The following STK32A variants were observed in gnomAD, a reference collection of about 807,000 sequenced individuals.
The protein encoded by STK32A is serine/threonine-protein kinase 32A.
Under a neutral mutation model 53.2 loss-of-function variants are expected in STK32A, and 41 were observed. That is an observed-to-expected ratio of 0.77 (90% CI 0.60 to 1.00). The LOEUF (loss-of-function observed/expected upper bound fraction) is 1.00, where lower values mean the gene tolerates loss of function less well. Ranked by LOEUF, STK32A falls within the 50% of genes least tolerant of loss-of-function variation. The pLI is 0.00. For missense variants in STK32A, 458 were observed against 485.8 expected, an observed-to-expected ratio of 0.94 and a Z score of 0.54; for synonymous variants, 166 against 162.8, an observed-to-expected ratio of 1.02 and a Z score of -0.15.
intron 8 of STK32A, among the ~76,000 whole-genome samples, chr5:147,365,828 T>C (rs1326370791): frequency 6.6e-6 from 1 of 152,184 alleles, no homozygotes; most frequent in Non-Finnish European, 1.5e-5. Context: ...AGGATTGTAT[T>C]TAACTATCAC....
At chr5:147,307,830 T>C (rs6880199) in intron 4 of STK32A, among the ~76,000 whole-genome samples, 122,927 of 151,914 alleles carry the variant, frequency 0.81, 50,277 homozygotes, top group African/African-American at 0.92. Flanking sequence ...CACAGAACCA[T>C]ATTTGTTATT....
chr5:147,354,043 A>G (rs1281136524), intron 7 of STK32A, among the ~76,000 whole-genome samples: 1 of 151,866 alleles, frequency 6.6e-6, no homozygotes, highest in African/African-American at 2.4e-5. Context: ...AACCCCCTAC[A>G]TGCAGAGCCA....
At chr5:147,242,694 C>T (rs935091894) in intron 2 of STK32A, among the ~76,000 whole-genome samples, 4 of 152,318 alleles carry the variant, frequency 2.6e-5, no homozygotes, top group East Asian at 1.9e-4. Context: ...TATATCTTAA[C>T]GTTCTCTCAT....
intron 11 of STK32A, among the ~76,000 whole-genome samples, chr5:147,381,895 G>A (rs1757467804): frequency 6.6e-6 from 1 of 152,100 alleles, no homozygotes; most frequent in Admixed American, 6.6e-5. Flanking sequence ...GCTTCCCTGG[G>A]CCACGTTGGA....
intron 4 of STK32A, among the ~76,000 whole-genome samples, chr5:147,309,494 T>C (rs1318369055): frequency 6.6e-6 from 1 of 152,196 alleles, no homozygotes; most frequent in East Asian, 1.9e-4. Context: ...TTGCACTTAA[T>C]AGATCACCAG....
intron 7 of STK32A, among the ~76,000 whole-genome samples, chr5:147,361,073 C>T (rs1361820251): frequency 6.6e-6 from 1 of 152,202 alleles, no homozygotes; most frequent in African/African-American, 2.4e-5. Context: ...CCAGGTGACT[C>T]TGAGATAGAG....
At chr5:147,323,141 C>T (rs565243903) in intron 4 of STK32A, among the ~76,000 whole-genome samples, 37 of 152,258 alleles carry the variant, frequency 2.4e-4, no homozygotes, top group African/African-American at 8.9e-4. Context: ...TGTGCATTTC[C>T]TCGTGTGAAT....
At chr5:147,301,252 T>A (rs1192012114) in intron 4 of STK32A, among the ~76,000 whole-genome samples, 1 of 152,106 alleles carries the variant, frequency 6.6e-6, no homozygotes, top group Non-Finnish European at 1.5e-5. Context: ...GATCTGATCA[T>A]GGGGAGGTCC....
At chr5:147,279,112 TG>T in intron 3 of STK32A, 134 bp from the exon 4 acceptor site, 3 of 640,620 alleles carry the variant, frequency 4.7e-6, no homozygotes, top group Non-Finnish European at 4.7e-6. Context: ...CAGAGCTAAG[TG>T]GGAGCTTTTA....
At chr5:147,296,688 T>C (rs929499984) in intron 4 of STK32A, among the ~76,000 whole-genome samples, 7 of 152,066 alleles carry the variant, frequency 4.6e-5, no homozygotes, top group African/African-American at 1.7e-4. Context: ...TACTGGGAGA[T>C]TGCCTTTTCC....
intron 5 of STK32A, among the ~76,000 whole-genome samples, chr5:147,339,603 A>T (rs192006454): frequency 6.2e-4 from 95 of 152,350 alleles, no homozygotes; most frequent in Non-Finnish European, 1.1e-3. Context: ...CAGACATACA[A>T]TGCCAGCCAA....
At chr5:147,322,533 A>G (rs545412855) in intron 4 of STK32A, among the ~76,000 whole-genome samples, 1 of 152,288 alleles carries the variant, frequency 6.6e-6, no homozygotes, top group South Asian at 2.1e-4. Flanking sequence ...TTTTACATTT[A>G]TTTCCTCAGC....
chr5:147,250,730 A>C (rs554492447), intron 2 of STK32A, among the ~76,000 whole-genome samples: 1 of 152,242 alleles, frequency 6.6e-6, no homozygotes, highest in South Asian at 2.1e-4. Context: ...TCACAAGGTC[A>C]GGAGATCGAG....
chr5:147,284,421 A>G (rs1403954828), intron 4 of STK32A, among the ~76,000 whole-genome samples: 2 of 152,132 alleles, frequency 1.3e-5, no homozygotes, highest in African/African-American at 4.8e-5. Flanking sequence ...CAATAAGACA[A>G]GAGAAAGAAA....
intron 5 of STK32A, among the ~76,000 whole-genome samples, chr5:147,338,776 G>A (rs556235270): frequency 2.0e-5 from 3 of 152,128 alleles, no homozygotes; most frequent in Admixed American, 6.5e-5. Context: ...CTGCCATAGA[G>A]ATCTGTGTAA....
At chr5:147,287,977 G>A (rs1236857019) in intron 4 of STK32A, among the ~76,000 whole-genome samples, 1 of 151,948 alleles carries the variant, frequency 6.6e-6, no homozygotes, top group Non-Finnish European at 1.5e-5. Context: ...AAGAAAATGG[G>A]TATTGTGAGG....
At chr5:147,260,263 CCCTCTCCCCTCTCTG>C (rs1754488588) in intron 2 of STK32A, among the ~76,000 whole-genome samples, 49 of 130,126 alleles carry the variant, frequency 3.8e-4, no homozygotes, top group African/African-American at 1.3e-3. Flanking sequence ...TCCTCTCTCT[CCCTCTCCCCTCTCTG>C]TCTCTCTCTC....
chr5:147,287,526 G>T (rs1236950557), intron 4 of STK32A, among the ~76,000 whole-genome samples: 1 of 152,086 alleles, frequency 6.6e-6, no homozygotes, highest in South Asian at 2.1e-4. Flanking sequence ...TATACAATTT[G>T]CTCAAAGCCT....
At position 147,339,265 on chromosome 5, in the gene STK32A, G is replaced by A. The variant is rs188123139; in HGVS notation, c.435-3741G>A. The stretch of plus-strand genomic sequence containing the variant: ...TACAGTTCAGACCATTGCTTCAGAG[G>A]GTGTAAGCAGCAAGCCTTGGTGGCT... On this transcript the variant is annotated intron_variant, in intron 5 of 12. Coordinates refer to ENST00000397936, the MANE Select transcript of STK32A (RefSeq NM_001112724.2). 4.9e-4 allele frequency among the ~76,000 whole-genome samples: 75 copies of A among 152,318 alleles called. No homozygotes were observed. The East Asian group carries it at 0.013, about 26-fold the overall frequency.
Sources: gnomAD v4.1 joint callset for allele counts (sites outside exome capture counted in the v4.1 genomes callset) on GRCh38, gnomAD v4.1.1 for gene constraint, MANE v1.5 for transcripts, NCBI Gene and HGNC (gene_info 2026-07-23, HGNC 2026-07-21) for gene names.